The following STK32B variants were observed in gnomAD, a reference collection of about 807,000 sequenced individuals.
The protein encoded by STK32B is serine/threonine kinase 32B.
STK32B carries 43 observed loss-of-function variants against 52.6 expected under a neutral mutation model. That is an observed-to-expected ratio of 0.82 (90% CI 0.64 to 1.05). The LOEUF (loss-of-function observed/expected upper bound fraction) is 1.05. Ranked by LOEUF, STK32B falls within the 50% of genes least tolerant of loss-of-function variation. STK32B has a pLI of 0.00. For synonymous variants in STK32B, 238 were observed against 204.3 expected (o/e 1.17, Z -1.41); for missense variants, 621 against 534.6 (o/e 1.16, Z -1.59).
At position 5,467,965 on chromosome 4, in the gene STK32B, C is replaced by T. The variant is rs535690843; in HGVS notation, c.1042-41C>T. On this transcript the variant is annotated intron_variant, in intron 10 of 11. Coordinates refer to ENST00000282908, the MANE Select transcript of STK32B (RefSeq NM_018401.3). The surrounding 1 kb of genome is among the most constrained non-coding windows in gnomAD (Gnocchi z 5.8). ...GCTCCATTACCGCGCGTCCCCGGAC[C>T]GTGCTTTGTCATTTAGTCACCCCTC... The T allele has an allele frequency of 1.2e-5, 19 of 1,611,736 alleles. No individual in the cohort carries two copies. Among genetic ancestry groups the T allele is most frequent in the Admixed American group, 5.0e-5 (3 of 59,994 alleles).
chr4:5,420,987 C>T lies in STK32B; in HGVS notation c.562+4053C>T, dbSNP rs529523336. Among the ~76,000 whole-genome samples, 3 of 152,306 alleles carry T rather than the reference C, an allele frequency of 2.0e-5. No homozygotes were observed. The East Asian group carries it at 5.8e-4, about 29-fold the overall frequency. ...TGATCTTGGCTCACTGCAACCTCTGCCTCCCAGGTTCAGGCGATTCTCCTG... is the reference window on the plus strand; with the variant it reads ...TGATCTTGGCTCACTGCAACCTCTGTCTCCCAGGTTCAGGCGATTCTCCTG... On this transcript the variant is annotated intron_variant, in intron 6 of 11. Coordinates refer to ENST00000282908, the MANE Select transcript of STK32B (RefSeq NM_018401.3).
chr4:5,354,182 A>G (rs1040974439), intron 4 of STK32B, among the ~76,000 whole-genome samples: 2 of 152,238 alleles, frequency 1.3e-5, no homozygotes, highest in Non-Finnish European at 2.9e-5. Flanking sequence ...AGCTGAAAAT[A>G]TTGATCCCAT....
At position 5,191,873 on chromosome 4, in the gene STK32B, A is replaced by G. The variant is rs368131170; in HGVS notation, c.260+23423A>G. 3.2e-4 allele frequency among the ~76,000 whole-genome samples: 48 copies of G among 152,328 alleles called. No homozygotes were observed. The East Asian group carries it at 3.7e-3, about 12-fold the overall frequency. On this transcript the variant is annotated intron_variant, in intron 3 of 11. Coordinates refer to ENST00000282908, the MANE Select transcript of STK32B (RefSeq NM_018401.3). Reference sequence around the variant, plus strand: ...AAGAAAAATGTCCTATTCCAAATCCATATTAACTACTGTGCTCCCAGGTCC... The same window carrying G: ...AAGAAAAATGTCCTATTCCAAATCCGTATTAACTACTGTGCTCCCAGGTCC...
intron 3 of STK32B, among the ~76,000 whole-genome samples, chr4:5,284,470 G>GT (rs1054621150): frequency 1.6e-4 from 24 of 151,612 alleles, no homozygotes; most frequent in Admixed American, 5.3e-4. Context: ...GGTTCGTATG[G>GT]TTTTTTTTGT....
upstream of STK32B, among the ~76,000 whole-genome samples, chr4:5,049,374 A>G (rs1741674710): frequency 6.6e-6 from 1 of 152,158 alleles, no homozygotes; most frequent in Admixed American, 6.5e-5. Context: ...GTCCGTGTGA[A>G]GAGACCACCA....
intron 4 of STK32B, among the ~76,000 whole-genome samples, chr4:5,367,652 C>CT (rs1241254954): frequency 2.6e-5 from 4 of 152,200 alleles, no homozygotes; most frequent in African/African-American, 9.7e-5. Flanking sequence ...TACAGGTCAA[C>CT]TTTTAAAAGA....
At chr4:5,033,647 G>A in the STK32B span, among the ~76,000 whole-genome samples, 926 of 152,360 alleles carry the variant, frequency 6.1e-3, 5 homozygotes, top group Non-Finnish European at 9.6e-3. Context: ...ATGTGGCAAA[G>A]AATAAGGATG....
At chr4:5,278,387 C>T (rs759778030) in intron 3 of STK32B, among the ~76,000 whole-genome samples, 6 of 152,054 alleles carry the variant, frequency 3.9e-5, no homozygotes, top group Non-Finnish European at 5.9e-5. Flanking sequence ...TGGGGTTCAG[C>T]GCATATGTGG....
intron 3 of STK32B, among the ~76,000 whole-genome samples, chr4:5,268,775 C>T (rs969255067): frequency 1.3e-5 from 2 of 151,990 alleles, no homozygotes; most frequent in African/African-American, 4.8e-5. Flanking sequence ...CAGCCGAAAG[C>T]AGGCTAAGGG....
chr4:5,418,666 C>T (rs1038810210), intron 6 of STK32B, among the ~76,000 whole-genome samples: 1 of 152,200 alleles, frequency 6.6e-6, no homozygotes, highest in African/African-American at 2.4e-5. Context: ...ATGAGGAGTC[C>T]ACCATCTTGG....
intron 2 of STK32B, among the ~76,000 whole-genome samples, chr4:5,160,675 G>C (rs1411971277): frequency 1.3e-5 from 2 of 152,218 alleles, no homozygotes; most frequent in Admixed American, 6.5e-5. Context: ...TTATCAGCTA[G>C]GTGCCTGCTA....
At chr4:5,167,554 C>T (rs904883347) in intron 2 of STK32B, among the ~76,000 whole-genome samples, 33 of 152,244 alleles carry the variant, frequency 2.2e-4, no homozygotes, top group African/African-American at 6.7e-4. Context: ...GCAGAAAGAA[C>T]ACAGAGAAGG....
Position 5,490,202 on chromosome 4 carries a change from G to A in STK32B, c.1107-8743G>A, listed in dbSNP as rs956611956. 2.6e-5 allele frequency among the ~76,000 whole-genome samples: 4 copies of A among 151,988 alleles called. No homozygotes were observed. In the South Asian group the frequency reaches 8.3e-4, roughly 32 times the overall value. On this transcript the variant is annotated intron_variant, in intron 11 of 11. Transcript: ENST00000282908. ...GCTCACTGAAACCTCTACCTCCCGG[G>A]TTCAAGCAATTCTCCTGCCTCAGCC...
intron 3 of STK32B, among the ~76,000 whole-genome samples, chr4:5,218,589 T>G (rs1305180618): frequency 1.3e-5 from 2 of 152,186 alleles, no homozygotes; most frequent in Non-Finnish European, 2.9e-5. Flanking sequence ...TGGTTCTCAT[T>G]CCAGACATGC....
At chr4:5,038,878 A>G in the STK32B span, among the ~76,000 whole-genome samples, 1 of 152,004 alleles carries the variant, frequency 6.6e-6, no homozygotes, top group Non-Finnish European at 1.5e-5. Context: ...AACTTACTAT[A>G]ACTTTTTTTA....
intron 3 of STK32B, among the ~76,000 whole-genome samples, chr4:5,222,433 T>C (rs1244537477): frequency 6.6e-6 from 1 of 152,194 alleles, no homozygotes; most frequent in East Asian, 1.9e-4. Flanking sequence ...CTTCAGTCTT[T>C]ATAGTGATTA....
At chr4:5,332,945 G>A (rs1483163342) in intron 4 of STK32B, among the ~76,000 whole-genome samples, 5 of 152,040 alleles carry the variant, frequency 3.3e-5, no homozygotes, top group Admixed American at 6.6e-5. Context: ...GAATAGTGCC[G>A]CAATAAACAT....
At chr4:5,391,250 G>C (rs1047498144) in intron 4 of STK32B, among the ~76,000 whole-genome samples, 1 of 152,072 alleles carries the variant, frequency 6.6e-6, no homozygotes, top group African/African-American at 2.4e-5. Context: ...GTGAGCCACG[G>C]TGCCTGGCCT....
At chr4:5,102,062 G>A (rs1329932784) in intron 1 of STK32B, among the ~76,000 whole-genome samples, 1 of 152,124 alleles carries the variant, frequency 6.6e-6, no homozygotes, top group Non-Finnish European at 1.5e-5. Context: ...TGTTGATGGT[G>A]GCATTGCTGT....
Sources: allele counts gnomAD v4.1 joint callset (sites outside exome capture counted in the v4.1 genomes callset), GRCh38; gene constraint gnomAD v4.1.1; non-coding constraint Gnocchi (gnomAD v3.1); transcripts MANE v1.5; gene names NCBI Gene and HGNC (gene_info 2026-07-23, HGNC 2026-07-21).